The following CCNH variants were observed in gnomAD, a reference collection of about 807,000 sequenced individuals.
CCNH encodes the protein cyclin-H.
Under a neutral mutation model 41.9 loss-of-function variants are expected in CCNH, and 31 were observed. That is an observed-to-expected ratio of 0.74 (90% CI 0.56 to 1.00). The LOEUF (loss-of-function observed/expected upper bound fraction) is 1.00. Ranked by LOEUF, CCNH falls within the 50% of genes least tolerant of loss-of-function variation. The pLI is 0.00. For synonymous variants in CCNH, 138 were observed against 136.1 expected, an observed-to-expected ratio of 1.01 and a Z score of -0.10; for missense variants, 362 against 388.4, an observed-to-expected ratio of 0.93 and a Z score of 0.57.
rs768103774 is a variant in CCNH, at chr5:87,332,472, ATTTT to A, written c.*91-13579_*91-13576del. ...TTGATTTTTAAAATTGGCTGTAAAG[ATTTT>A]TTTATACTGTATTTTTTCCTGTTCA... On this transcript the variant is annotated intron_variant and NMD_transcript_variant, in intron 9 of 9. Transcript: ENST00000645953. 4 of 1,574,762 alleles carry A rather than the reference ATTTT, an allele frequency of 2.5e-6. No individual in the cohort carries two copies. The Admixed American group carries it at 5.1e-5, about 20-fold the overall frequency.
At chr5:87,320,920 C>G (rs1756746762) in intron 9 of CCNH, among the ~76,000 whole-genome samples, 2 of 152,180 alleles carry the variant, frequency 1.3e-5, no homozygotes, top group South Asian at 4.1e-4. Flanking sequence ...AGAAGGGAGG[C>G]TGGAGCCTTT....
chr5:87,338,180 T>G, intron 9 of CCNH: 1 of 1,572,436 alleles, frequency 6.4e-7, no homozygotes, highest in Non-Finnish European at 8.6e-7. Context: ...TAGCTATGAA[T>G]ACATTTCTTT....
the CCNH span, among the ~76,000 whole-genome samples, chr5:87,312,789 G>A: frequency 6.6e-6 from 1 of 152,074 alleles, no homozygotes; most frequent in South Asian, 2.1e-4. Flanking sequence ...TCAGAGTACT[G>A]GAAAATCTAG....
At chr5:87,331,362 A>C in intron 9 of CCNH, 2 of 1,610,066 alleles carry the variant, frequency 1.2e-6, no homozygotes, top group Non-Finnish European at 1.7e-6. Context: ...TATCACGGAA[A>C]ACTTGACAGA....
downstream of CCNH, chr5:87,392,170 G>T: frequency 2.3e-6 from 1 of 432,584 alleles, no homozygotes. Context: ...TAATCAAAGT[G>T]AGTGAGACAG....
chr5:87,374,860 A>C (rs775854094), downstream of CCNH: 4 of 1,609,846 alleles, frequency 2.5e-6, no homozygotes, highest in Non-Finnish European at 3.4e-6. Flanking sequence ...CCTGACATCA[A>C]TAGATTTGAA....
the CCNH span, among the ~76,000 whole-genome samples, chr5:87,311,560 G>A: frequency 6.6e-6 from 1 of 152,242 alleles, no homozygotes; most frequent in Non-Finnish European, 1.5e-5. Flanking sequence ...GAGTCCAGCA[G>A]AGATTAGATG....
chr5:87,316,704 T>A (rs1312284454), downstream of CCNH, among the ~76,000 whole-genome samples: 1 of 152,208 alleles, frequency 6.6e-6, no homozygotes, highest in Non-Finnish European at 1.5e-5. Context: ...GGGAACTTCC[T>A]GCACATAAAC....
intron 9 of CCNH, chr5:87,333,158 C>A: frequency 6.8e-7 from 1 of 1,474,146 alleles, no homozygotes; most frequent in Non-Finnish European, 9.1e-7. Context: ...TTGAATGATC[C>A]CATGGAGTTT....
chr5:87,398,284 CAT>C (rs566538797), intron 7 of CCNH, among the ~76,000 whole-genome samples: 15 of 152,332 alleles, frequency 9.8e-5, no homozygotes, highest in African/African-American at 2.4e-4. Context: ...GAATTTGAGT[CAT>C]GTGTATTTGA....
At chr5:87,409,967 GAAGTA>G (rs1764100334) in intron 2 of CCNH, among the ~76,000 whole-genome samples, 1 of 152,128 alleles carries the variant, frequency 6.6e-6, no homozygotes, top group Non-Finnish European at 1.5e-5. Flanking sequence ...ACAGCTTGGT[GAAGTA>G]TTACTATCTC....
chr5:87,379,955 C>T, upstream of CCNH: 1 of 1,185,684 alleles, frequency 8.4e-7, no homozygotes, highest in East Asian at 2.6e-5. Context: ...TATTATTATA[C>T]TCTGAAAAAG....
intron 9 of CCNH, chr5:87,346,849 C>A: frequency 3.0e-6 from 2 of 657,644 alleles, no homozygotes; most frequent in Middle Eastern, 2.7e-4. Context: ...AATTTCGTGT[C>A]CAGTACTAAG....
intron 9 of CCNH, chr5:87,333,353 T>G: frequency 4.3e-6 from 7 of 1,612,400 alleles, no homozygotes; most frequent in South Asian, 1.1e-5. Context: ...TTATAATCTA[T>G]TCTCATGTAT....
intron 9 of CCNH, among the ~76,000 whole-genome samples, chr5:87,355,795 A>G (rs1759606765): frequency 6.6e-6 from 1 of 152,230 alleles, no homozygotes; most frequent in Non-Finnish European, 1.5e-5. Flanking sequence ...AGAGGCCAAA[A>G]TAACAACATT....
At chr5:87,383,596 AG>A in intron 9 of CCNH, 3 of 715,776 alleles carry the variant, frequency 4.2e-6, no homozygotes, top group South Asian at 4.1e-5. Context: ...ATTGGTTTAG[AG>A]TGAATTTTAT....
In CCNH at chr5:87,407,993, A is replaced by T. The variant is rs1763922602; in HGVS notation, c.508T>A (p.Phe170Ile). 6.2e-7 allele frequency: 1 copy of T among 1,610,840 alleles called. No homozygotes were observed. The highest frequency in any genetic ancestry group is 1.3e-5 in the African/African-American group (1 of 74,858). The change falls in exon 4 of 9, where the codon TTC becomes ATC. Residue 170 changes from phenylalanine (F) to isoleucine (I), a missense_variant. Coordinates refer to ENST00000256897, the MANE Select transcript of CCNH (RefSeq NM_001239.4). ...AAGTTTACCTTTAAGTCGATGAGGA[A>T]GCCCTCAAATGGTCTGTAAGGATTG... ...VHNPYRPFEG[F>I]LIDLKTRYPI...
At chr5:87,353,344 C>A in intron 9 of CCNH, 1 of 880,472 alleles carries the variant, frequency 1.1e-6, no homozygotes, top group Non-Finnish European at 1.8e-6. Context: ...CAACTTAAAA[C>A]TACAGATTAT....
At chr5:87,389,124 C>T (rs967567580), downstream of CCNH, among the ~76,000 whole-genome samples, 12 of 151,320 alleles carry the variant, frequency 7.9e-5, no homozygotes, top group Non-Finnish European at 8.8e-5. Flanking sequence ...TCTAATATAC[C>T]CAATTAGAAT....
Sources: gnomAD v4.1 joint callset for allele counts (sites outside exome capture counted in the v4.1 genomes callset) on GRCh38, gnomAD v4.1.1 for gene constraint, MANE v1.5 for transcripts, NCBI Gene and HGNC (gene_info 2026-07-23, HGNC 2026-07-21) for gene names.